DYNC1H1: variants seen among roughly 807,000 people sequenced by gnomAD.
The protein encoded by DYNC1H1 is cytoplasmic dynein 1 heavy chain 1.
DYNC1H1 carries 51 observed loss-of-function variants against 527.1 expected under a neutral mutation model. The observed-to-expected ratio is 0.10, with a 90% CI of 0.08 to 0.12. The LOEUF (loss-of-function observed/expected upper bound fraction) is 0.12. Ranked by LOEUF, DYNC1H1 falls within the 10% of genes least tolerant of loss-of-function variation. The probability of loss-of-function intolerance (pLI) is 1.00; values close to 1 mark genes in which losing one functional copy is unlikely to be tolerated. For missense variants in DYNC1H1, 2,771 were observed against 5,971.8 expected, an observed-to-expected ratio of 0.46 and a Z score of 17.66; for synonymous variants, 2,189 against 2,278.8, an observed-to-expected ratio of 0.96 and a Z score of 1.12.
intron 1 of DYNC1H1, among the ~76,000 whole-genome samples, chr14:101,967,262 A>G (rs1455447818): frequency 6.6e-6 from 1 of 152,196 alleles, no homozygotes; most frequent in African/African-American, 2.4e-5. Flanking sequence ...CATTTAATCA[A>G]ATATGTGCAT....
rs2048253987 is a variant in DYNC1H1, at chr14:102,011,106, AT to A, written c.6618+159del. 3.7e-6 allele frequency: 3 copies of A among 815,508 alleles called. No homozygotes were observed. The South Asian group carries it at 4.4e-5, about 12-fold the overall frequency. The allele number at this position is 815,508 out of a possible 1,614,324, so 50.5% of individuals were successfully genotyped here. A position where few individuals can be genotyped will look rare whatever the true frequency, so the allele number is the denominator to read the frequency against. On this transcript the variant is annotated intron_variant, in intron 32 of 77. Coordinates refer to ENST00000360184, the MANE Select transcript of DYNC1H1 (RefSeq NM_001376.5). The surrounding 1 kb of genome is among the most constrained non-coding windows in gnomAD (Gnocchi z 5.3). ...GAAGATTTGCCCAAGGCCTATTTGA[AT>A]TTTTGTTGTTGTTGTTTAAATGAAG...
In DYNC1H1 at chr14:102,002,984, C is replaced by T. The variant is rs2048148768; in HGVS notation, c.4883+19C>T. 1 of 1,613,806 alleles carries T rather than the reference C, an allele frequency of 6.2e-7. No homozygotes were observed. On this transcript the variant is annotated intron_variant, in intron 23 of 77. Transcript: ENST00000360184. This position sits in a 1 kb window ranked among gnomAD's most constrained non-coding sequence, Gnocchi z 4.4. ...TCCCCAGGTAAGATCCTTGCTTTGACTTGGCCTGGAGTCAAGTTGAATTTC... is the reference window on the plus strand; with the variant it reads ...TCCCCAGGTAAGATCCTTGCTTTGATTTGGCCTGGAGTCAAGTTGAATTTC...
chr14:102,001,723 C>G lies in DYNC1H1; in HGVS notation c.4542+42C>G, dbSNP rs765294198. The G allele has an allele frequency of 3.8e-5, 61 of 1,612,758 alleles. No homozygotes were observed. The highest frequency in any genetic ancestry group is 1.2e-4 in the Admixed American group (7 of 59,978). ...AGCTTTCCCTCCCCACCAGTGGTCTCCCACGCTTTCACTGTAATGCCTTTT... is the reference window on the plus strand; with the variant it reads ...AGCTTTCCCTCCCCACCAGTGGTCTGCCACGCTTTCACTGTAATGCCTTTT... On this transcript the variant is annotated intron_variant, in intron 21 of 77. Transcript: ENST00000360184. The surrounding 1 kb of genome is among the most constrained non-coding windows in gnomAD (Gnocchi z 5.0).
At chr14:101,989,013 T>C (rs1329025721) in intron 10 of DYNC1H1, among the ~76,000 whole-genome samples, 161 bp downstream of exon 10, 1 of 152,220 alleles carries the variant, frequency 6.6e-6, no homozygotes. Flanking sequence ...GCAGGTGTCA[T>C]GTGCCCTCTG....
intron 10 of DYNC1H1, among the ~76,000 whole-genome samples, chr14:101,990,336 G>A (rs908429333): frequency 2.1e-4 from 32 of 152,086 alleles, no homozygotes; most frequent in African/African-American, 7.7e-4. Flanking sequence ...TTGAGACATC[G>A]TCATATACTT....
chr14:102,026,916 T>A lies in DYNC1H1; in HGVS notation c.8771+209T>A. ...AACTTCATTCTTCCTCCCCCAGCACTGCATACCTGCCATAATTATGGCCCT... is the reference window on the plus strand; with the variant it reads ...AACTTCATTCTTCCTCCCCCAGCACAGCATACCTGCCATAATTATGGCCCT... On this transcript the variant is annotated intron_variant, in intron 44 of 77. Coordinates refer to ENST00000360184, the MANE Select transcript of DYNC1H1 (RefSeq NM_001376.5). 5.0e-6 allele frequency: 4 copies of A among 797,754 alleles called. No individual in the cohort carries two copies. In the South Asian group the frequency reaches 6.6e-5, roughly 13 times the overall value. 49.4% of individuals were successfully genotyped at this position (797,754 alleles called of 1,614,324 possible).
Position 102,018,131 on chromosome 14 carries a change from A to G in DYNC1H1, c.8178-320A>G, listed in dbSNP as rs2048346614. On this transcript the variant is annotated intron_variant, in intron 40 of 77. Transcript: ENST00000360184. The surrounding 1 kb of genome is among the most constrained non-coding windows in gnomAD (Gnocchi z 5.2). Reference sequence around the variant, plus strand: ...AAAATAAATAAATAAATAAAATAAAATGAAATAAAAGCATTGATCTCTTGG... The same window carrying G: ...AAAATAAATAAATAAATAAAATAAAGTGAAATAAAAGCATTGATCTCTTGG... The G allele has an allele frequency of 3.3e-6, 1 of 303,690 alleles. No homozygotes were observed. Among genetic ancestry groups the G allele is most frequent in the African/African-American group, 2.1e-5 (1 of 46,574 alleles). 18.8% of individuals were successfully genotyped at this position (303,690 alleles called of 1,614,324 possible).
At chr14:102,030,811 G>A (rs1041275905) in intron 51 of DYNC1H1, 2 of 185,410 alleles carry the variant, frequency 1.1e-5, no homozygotes, top group Non-Finnish European at 2.3e-5. Context: ...CAGTGAGTAA[G>A]ACTGCTCTCA....
intron 41 of DYNC1H1, among the ~76,000 whole-genome samples, chr14:102,019,636 C>G (rs1367765646): frequency 6.6e-6 from 1 of 152,200 alleles, no homozygotes; most frequent in East Asian, 1.9e-4. Flanking sequence ...GAGTCTCACT[C>G]TGTCGCCAAG....
rs772596156 is a variant in DYNC1H1 at position 102,012,338 on chromosome 14, G to A, written c.6882G>A (p.Glu2294=). The change falls in exon 34 of 78, where the codon GAG becomes GAA. Residue 2294 remains glutamate, a synonymous_variant. Coordinates refer to ENST00000360184, the MANE Select transcript of DYNC1H1 (RefSeq NM_001376.5). The surrounding 1 kb of genome is among the most constrained non-coding windows in gnomAD (Gnocchi z 4.9). ...LRKIIDSVRG[E]LQKRQWIVFD... is the part of the protein sequence containing the mutation. Reference sequence around the variant, plus strand: ...GGATCATCGACAGCGTGAGAGGCGAGCTGCAGAAGCGCCAGTGGATCGTCT... The same window carrying A: ...GGATCATCGACAGCGTGAGAGGCGAACTGCAGAAGCGCCAGTGGATCGTCT... 8.7e-6 allele frequency: 14 copies of A among 1,614,106 alleles called. No homozygotes were observed. The Admixed American group carries it at 2.3e-4, about 27-fold the overall frequency.
In DYNC1H1 at chr14:102,017,685, G is replaced by A; in HGVS notation, c.8177+181G>A. 8.0e-7 allele frequency: 1 copy of A among 1,243,214 alleles called. No homozygotes were observed. The highest frequency in any genetic ancestry group is 1.1e-6 in the Non-Finnish European group (1 of 890,230). 77.0% of individuals were successfully genotyped at this position (1,243,214 alleles called of 1,614,324 possible). ...AAAACATGTTAAAAATAAAAGCATT[G>A]GCCGGGCGCAGTGGCTTACGCCTAT... On this transcript the variant is annotated intron_variant, in intron 40 of 77. Transcript: ENST00000360184. The surrounding 1 kb of genome is among the most constrained non-coding windows in gnomAD (Gnocchi z 4.6).
intron 69 of DYNC1H1, chr14:102,043,641 G>A (rs1328563985): frequency 3.4e-6 from 2 of 587,802 alleles, no homozygotes; most frequent in African/African-American, 1.9e-5. Flanking sequence ...TAGAAACTCT[G>A]TCTTCTCTAG....
chr14:101,975,564 C>T (rs1440726906), intron 1 of DYNC1H1, 148 bp from the exon 2 acceptor site: 14 of 722,658 alleles, frequency 1.9e-5, no homozygotes, highest in African/African-American at 1.1e-4. Context: ...AGGAAAAAAA[C>T]GGATAGGAAG....
Position 102,027,671 on chromosome 14 carries a change from A to G in DYNC1H1, c.9101A>G (p.Lys3034Arg). Residue 3034 changes from lysine (K) to arginine (R), a missense_variant, in exon 47 of 78, where the codon AAA becomes AGA. Physicochemically the swap from Lys to Arg is conservative, Grantham distance 26. This residue lies in a region of DYNC1H1 where 84 missense variants were observed against 285.4 expected (regional missense o/e 0.29). Transcript: ENST00000360184. This position sits in a 1 kb window ranked among gnomAD's most constrained non-coding sequence, Gnocchi z 7.7. The part of the protein sequence containing the change: ...DEYATLMTQC[K>R]EGAQKEGLML... ...TATGCCACCTTGATGACGCAGTGCAAAGAGGGGGCACAGAAGGAAGGCCTG... is the reference window on the plus strand; with the variant it reads ...TATGCCACCTTGATGACGCAGTGCAGAGAGGGGGCACAGAAGGAAGGCCTG... The G allele has an allele frequency of 6.2e-7, 1 of 1,614,110 alleles. No homozygotes were observed. The highest frequency in any genetic ancestry group is 8.5e-7 in the Non-Finnish European group (1 of 1,180,016).
Position 102,038,647 on chromosome 14 carries a change from G to A in DYNC1H1, c.11055+41G>A, listed in dbSNP as rs760334882. ...CTTCCCCAGGGAAATCTGGCAGGAT[G>A]TGGTTTTGAAACTGGATTAAGACAG... On this transcript the variant is annotated intron_variant, in intron 58 of 77. Transcript: ENST00000360184. This position sits in a 1 kb window ranked among gnomAD's most constrained non-coding sequence, Gnocchi z 7.2. The A allele has an allele frequency of 4.3e-6, 7 of 1,614,122 alleles. No individual in the cohort carries two copies. In the East Asian group the frequency reaches 1.1e-4, roughly 26 times the overall value.
Position 102,044,884 on chromosome 14 carries a change from A to G in DYNC1H1, c.13006+186A>G, listed in dbSNP as rs548254407. The G allele has an allele frequency of 2.5e-3, 1,651 of 655,748 alleles. 24 individuals are homozygous for G. The highest frequency in any genetic ancestry group is 1.0e-3 in the Non-Finnish European group (395 of 378,016). 40.6% of individuals were successfully genotyped at this position (655,748 alleles called of 1,614,324 possible). A position where few individuals can be genotyped will look rare whatever the true frequency, so the allele number is the denominator to read the frequency against. The stretch of plus-strand genomic sequence containing the variant: ...CCAGTCTCCAGCTGCTCCTAGCTCC[A>G]CTCCGAGGGGAGGCAGAGGAAAGAA... On this transcript the variant is annotated intron_variant, in intron 72 of 77. Transcript: ENST00000360184. The surrounding 1 kb of genome is among the most constrained non-coding windows in gnomAD (Gnocchi z 7.1).
chr14:102,003,012 T>A, intron 23 of DYNC1H1, 47 bp downstream of exon 23: 1 of 1,611,776 alleles, frequency 6.2e-7, no homozygotes, highest in Non-Finnish European at 8.5e-7. Context: ...TGAATTTCAG[T>A]TGTGCATTTT....
At position 102,002,104 on chromosome 14, in the gene DYNC1H1, T is replaced by G. The variant is rs558438949; in HGVS notation, c.4542+423T>G. ...TGTTTTTTTGTTTGTTTGCTTGCTTTTTTGTTTTTTTTTTTTCTTTTTTTG... is the reference window on the plus strand; with the variant it reads ...TGTTTTTTTGTTTGTTTGCTTGCTTGTTTGTTTTTTTTTTTTCTTTTTTTG... On this transcript the variant is annotated intron_variant, in intron 21 of 77. Transcript: ENST00000360184. This position sits in a 1 kb window ranked among gnomAD's most constrained non-coding sequence, Gnocchi z 4.4. Among the ~76,000 whole-genome samples, 4 of 151,684 alleles carry G rather than the reference T, an allele frequency of 2.6e-5. No homozygotes were observed. In the East Asian group the frequency reaches 5.8e-4, roughly 22 times the overall value.
chr14:101,974,948 C>T lies in DYNC1H1; in HGVS notation c.257-764C>T, dbSNP rs548996451. On this transcript the variant is annotated intron_variant, in intron 1 of 77. Transcript: ENST00000360184. ...GGAAGATACATTCATAAGTCAAACC[C>T]AGAACAGACTCAGATAAGTGGTGTG... Among the ~76,000 whole-genome samples, 13 of 152,316 alleles carry T rather than the reference C, an allele frequency of 8.5e-5. No homozygotes were observed. In the South Asian group the frequency reaches 2.7e-3, roughly 32 times the overall value.
Sources: gnomAD v4.1 joint callset for allele counts (sites outside exome capture counted in the v4.1 genomes callset) on GRCh38, gnomAD v4.1.1 for gene constraint, gnomAD v4.1.1 regional missense constraint, Gnocchi (gnomAD v3.1) non-coding constraint, MANE v1.5 for transcripts, NCBI Gene and HGNC (gene_info 2026-07-23, HGNC 2026-07-21) for gene names.